The following ERICH3 variants were observed in gnomAD, a reference collection of about 807,000 sequenced individuals.
ERICH3 encodes glutamate rich 3.
ERICH3 carries 126 observed loss-of-function variants against 131.1 expected under a neutral mutation model. That is an observed-to-expected ratio of 0.96 (90% CI 0.83 to 1.11). ERICH3 has a LOEUF of 1.11. Among genes scored for constraint, ERICH3 ranks in the 50% most tolerant of loss-of-function variants. The pLI, the probability that ERICH3 is intolerant of heterozygous loss-of-function variation, is 0.00. For synonymous variants in ERICH3, 695 were observed against 644.6 expected (o/e 1.08, Z -1.18); for missense variants, 2,050 against 1,810.7 (o/e 1.13, Z -2.40).
chr1:74,628,238 G>A (rs1292426863), intron 7 of ERICH3, among the ~76,000 whole-genome samples: 6 of 152,100 alleles, frequency 3.9e-5, no homozygotes, highest in African/African-American at 7.2e-5. Context: ...CGTGTTTAGC[G>A]TAATACTGTA....
Position 74,652,788 on chromosome 1 carries a change from C to T in ERICH3, c.24-3473G>A, listed in dbSNP as rs78969994. ...TTACTCGCAGGCTATGTTGTCATGC[C>T]AAGACCCACAAGTCACTGGCCAGAC... is the stretch of plus-strand genomic sequence containing the variant. On this transcript the variant is annotated intron_variant, in intron 1 of 14. Coordinates refer to ENST00000326665, the MANE Select transcript of ERICH3 (RefSeq NM_001002912.5). Among the ~76,000 whole-genome samples the T allele has an allele frequency of 2.6e-3, 393 of 152,238 alleles. 3 individuals carry two copies. Among genetic ancestry groups the T allele is most frequent in the Non-Finnish European group, 3.5e-3 (241 of 68,008 alleles).
intron 1 of ERICH3, among the ~76,000 whole-genome samples, chr1:74,662,418 TG>T (rs1364667410): frequency 6.6e-6 from 1 of 152,158 alleles, no homozygotes; most frequent in Non-Finnish European, 1.5e-5. Context: ...AATATTCATT[TG>T]TTGCAGTTGC....
Position 74,572,929 on chromosome 1 carries a change from T to C in ERICH3, c.2781A>G (p.Thr927=), listed in dbSNP as rs1646983669. The C allele has an allele frequency of 1.2e-6, 2 of 1,613,904 alleles. No individual in the cohort carries two copies. The highest frequency in any genetic ancestry group is 1.1e-5 in the South Asian group (1 of 91,070). Residue 927 remains threonine, a synonymous_variant, in exon 14 of 15, where the codon ACA becomes ACG. Coordinates refer to ENST00000326665, the MANE Select transcript of ERICH3 (RefSeq NM_001002912.5). Reference sequence around the variant, plus strand: ...CACCCTCAGCCTCTCCCTCCTCCGATGTCGCTGCCTCTCTCAGGGCTGCTA... The same window carrying C: ...CACCCTCAGCCTCTCCCTCCTCCGACGTCGCTGCCTCTCTCAGGGCTGCTA... ...HEVAALREAA[T]SEEGEAEGGV... is the part of the protein sequence containing the mutation.
At chr1:74,654,052 G>A (rs898867587) in intron 1 of ERICH3, among the ~76,000 whole-genome samples, 5 of 152,068 alleles carry the variant, frequency 3.3e-5, no homozygotes, top group Non-Finnish European at 7.4e-5. Context: ...CAAATAACAT[G>A]TTCCTCATTT....
intron 10 of ERICH3, among the ~76,000 whole-genome samples, chr1:74,604,087 A>G (rs1168099488): frequency 1.3e-5 from 2 of 151,916 alleles, no homozygotes; most frequent in Non-Finnish European, 2.9e-5. Flanking sequence ...ATCAACTAAT[A>G]CATTTTATAC....
chr1:74,666,067 G>T (rs1264517837), intron 1 of ERICH3, among the ~76,000 whole-genome samples: 1 of 152,074 alleles, frequency 6.6e-6, no homozygotes, highest in African/African-American at 2.4e-5. Context: ...TCAAAAAAGG[G>T]CATAGATACC....
upstream of ERICH3, among the ~76,000 whole-genome samples, chr1:74,674,274 C>T (rs781224471): frequency 6.6e-6 from 1 of 152,050 alleles, no homozygotes; most frequent in Non-Finnish European, 1.5e-5. Context: ...ATGGGGGAGA[C>T]GCAGTTATTC....
chr1:74,588,021 G>T (rs1325386375), intron 12 of ERICH3, among the ~76,000 whole-genome samples: 1 of 152,100 alleles, frequency 6.6e-6, no homozygotes, highest in African/African-American at 2.4e-5. Flanking sequence ...ATCATTCTTG[G>T]CTTGCAGGCT....
intron 1 of ERICH3, among the ~76,000 whole-genome samples, chr1:74,650,029 T>C (rs1557699839): frequency 1.3e-5 from 2 of 152,286 alleles, no homozygotes; most frequent in South Asian, 4.1e-4. Context: ...TTATTCTTGG[T>C]ATCCCTACTG....
Position 74,571,754 on chromosome 1 carries a change from T to TC in ERICH3, c.3955dup (p.Asp1319GlyfsTer12). 6.2e-7 allele frequency: 1 copy of TC among 1,614,094 alleles called. No individual in the cohort carries two copies. The highest frequency in any genetic ancestry group is 1.1e-5 in the South Asian group (1 of 91,068). On this transcript the variant is annotated frameshift_variant, in exon 14 of 15. Coordinates refer to ENST00000326665, the MANE Select transcript of ERICH3 (RefSeq NM_001002912.5). LOFTEE classifies it high-confidence loss of function. ...TTGTGTGTTTCCTTCTCCTTCCATGTCCCCGTCCCCTTCCGAGTTCCTGTC... is the reference window on the plus strand; with the variant it reads ...TTGTGTGTTTCCTTCTCCTTCCATGTCCCCCGTCCCCTTCCGAGTTCCTGTC...
intron 14 of ERICH3, among the ~76,000 whole-genome samples, chr1:74,570,821 T>C (rs552425166): frequency 9.2e-5 from 14 of 152,284 alleles, no homozygotes; most frequent in African/African-American, 2.4e-4. Context: ...GGGTCCTATC[T>C]GGGAGACACA....
At chr1:74,669,162 T>C (rs1254725449) in intron 1 of ERICH3, among the ~76,000 whole-genome samples, 2 of 152,212 alleles carry the variant, frequency 1.3e-5, no homozygotes, top group Non-Finnish European at 2.9e-5. Context: ...ACTAAGGATG[T>C]ATTAATTCTT....
At chr1:74,625,869 G>A (rs1262788360) in intron 7 of ERICH3, 3 of 152,164 alleles carry the variant, frequency 2.0e-5, no homozygotes, top group Non-Finnish European at 4.4e-5. Context: ...CCACTGTTCA[G>A]GTGGCATCTA....
intron 7 of ERICH3, chr1:74,625,386 C>G (rs1649379208): frequency 6.6e-6 from 1 of 151,992 alleles, no homozygotes; most frequent in South Asian, 2.1e-4. Flanking sequence ...ATGAATTTTG[C>G]TTATTCCTTT....
At position 74,579,591 on chromosome 1, in the gene ERICH3, G is replaced by A. The variant is rs180942586; in HGVS notation, c.2177-2655C>T. 14 of 985,394 alleles carry A rather than the reference G, an allele frequency of 1.4e-5. No homozygotes were observed. In the Admixed American group the frequency reaches 8.0e-4, roughly 56 times the overall value. 61.0% of individuals were successfully genotyped at this position (985,394 alleles called of 1,614,324 possible). ...CCTAAGTATCAAGGACTTACTAGGT[G>A]TGAAACCAGAAAAGGCTTCACTTGG... On this transcript the variant is annotated intron_variant, in intron 12 of 14. Transcript: ENST00000326665.
chr1:74,605,517 A>T (rs906989159), intron 10 of ERICH3, among the ~76,000 whole-genome samples: 1 of 151,634 alleles, frequency 6.6e-6, no homozygotes, highest in Non-Finnish European at 1.5e-5. Flanking sequence ...TTTTTATTTA[A>T]AGTGAAAAAC....
intron 12 of ERICH3, among the ~76,000 whole-genome samples, chr1:74,585,166 T>C (rs1647272628): frequency 6.6e-6 from 1 of 152,176 alleles, no homozygotes. Context: ...CTTGAGTTAT[T>C]CCACTATTAG....
intron 2 of ERICH3, 97 bp from the exon 3 acceptor site, chr1:74,646,889 GACACAC>G (rs141577300): frequency 1.0e-4 from 25 of 247,722 alleles, no homozygotes; most frequent in Middle Eastern, 1.6e-3. Context: ...AAGACAGACA[GACACAC>G]ACACACACAC....
At chr1:74,570,996 A>T (rs982594451) in intron 14 of ERICH3, 103 bp downstream of exon 14, 4 of 1,399,550 alleles carry the variant, frequency 2.9e-6, no homozygotes, top group Non-Finnish European at 3.8e-6. Flanking sequence ...CTGTGTGTTT[A>T]TATGTGCACA....
Sources: gnomAD v4.1 joint callset for allele counts (sites outside exome capture counted in the v4.1 genomes callset) on GRCh38, gnomAD v4.1.1 for gene constraint, MANE v1.5 for transcripts, NCBI Gene and HGNC (gene_info 2026-07-23, HGNC 2026-07-21) for gene names.